The following SCML2 variants were observed in gnomAD, a reference collection of about 807,000 sequenced individuals.
SCML2 encodes the protein sex comb on midleg-like protein 2.
Under a neutral mutation model 48.4 loss-of-function variants are expected in SCML2, and 6 were observed. That is an observed-to-expected ratio of 0.12 (90% CI 0.07 to 0.24). The LOEUF (loss-of-function observed/expected upper bound fraction) is 0.24, where lower values mean the gene tolerates loss of function less well. Ranked by LOEUF, SCML2 falls within the 10% of genes least tolerant of loss-of-function variation. The probability of loss-of-function intolerance (pLI) is 1.00; values close to 1 mark genes in which losing one functional copy is unlikely to be tolerated. For missense variants in SCML2, 377 were observed against 528.2 expected (o/e 0.71, Z 2.81); for synonymous variants, 181 against 189.5 (o/e 0.95, Z 0.37).
intron 7 of SCML2, among the ~76,000 whole-genome samples, chrX:18,281,409 C>T (rs1448859255): frequency 9.0e-6 from 1 of 111,632 alleles, no homozygotes; most frequent in Non-Finnish European, 1.9e-5. Flanking sequence ...ACAAAGATCT[C>T]AAATTAAAAA....
intron 7 of SCML2, among the ~76,000 whole-genome samples, chrX:18,299,929 A>C (rs1468411202): frequency 9.1e-6 from 1 of 109,971 alleles, no homozygotes; most frequent in African/African-American, 3.3e-5. Flanking sequence ...TTGTAGAGAC[A>C]GAGTCTCACT....
chrX:18,295,683 C>T (rs1250648571), intron 7 of SCML2, among the ~76,000 whole-genome samples: 1 of 104,423 alleles, frequency 9.6e-6, no homozygotes, highest in Non-Finnish European at 2.0e-5. Flanking sequence ...CAGATGACAC[C>T]GGTGTCCATA....
chrX:18,246,433 G>A, intron 13 of SCML2, 144 bp downstream of exon 13: 2 of 543,573 alleles, frequency 3.7e-6, no homozygotes, highest in Non-Finnish European at 2.9e-6. Context: ...ATAATGGTCT[G>A]ACCTGACAGT....
intron 8 of SCML2, among the ~76,000 whole-genome samples, chrX:18,264,892 T>C (rs1927205920): frequency 9.0e-6 from 1 of 111,609 alleles, no homozygotes; most frequent in South Asian, 3.8e-4. Flanking sequence ...ATAACCTCTC[T>C]GGTCCTTTCC....
In SCML2 at chrX:18,260,227, C is replaced by T. The variant is rs756041899; in HGVS notation, c.1013G>A (p.Arg338His). The T allele has an allele frequency of 8.3e-7, 1 of 1,202,555 alleles. No individual in the cohort carries two copies. Among genetic ancestry groups the T allele is most frequent in the Non-Finnish European group, 1.1e-6 (1 of 888,720 alleles). The change falls in exon 9 of 15, where the codon CGT becomes CAT. Residue 338 changes from arginine to histidine, a missense_variant. Transcript: ENST00000251900. ...AGCGACATCTTTATATAACATGCCA[C>T]GGTCTCTGGTCAGCGATTTTAGAGA... Reference protein sequence around the residue: ...AASLKSLTRDRGMLYKDVASG... With the variant: ...AASLKSLTRDHGMLYKDVASG...
At chrX:18,325,051 G>A in intron 3 of SCML2, 74 bp from the exon 4 acceptor site, 3 of 623,781 alleles carry the variant, frequency 4.8e-6, no homozygotes, top group Non-Finnish European at 7.2e-6. Flanking sequence ...CAACTTTCAG[G>A]ATTAAAATGG....
In SCML2 at chrX:18,316,639, G is replaced by C. The variant is rs145654948; in HGVS notation, c.486+3693C>G. Among the ~76,000 whole-genome samples the C allele has an allele frequency of 4.6e-3, 513 of 112,078 alleles. 5 individuals are homozygous for C. The highest frequency in any genetic ancestry group is 0.016 in the African/African-American group (481 of 30,880). On this transcript the variant is annotated intron_variant, in intron 6 of 14. Transcript: ENST00000251900. ...GTTTATGGGCTAATGGTGGAGCATA[G>C]CTTAGAACAGGGGTCCCCAACCCCC... is the stretch of plus-strand genomic sequence containing the variant.
chrX:18,326,605 G>A (rs1160951479), intron 3 of SCML2, among the ~76,000 whole-genome samples: 3 of 107,348 alleles, frequency 2.8e-5, no homozygotes, highest in Non-Finnish European at 5.8e-5. Context: ...GCTTGAACTC[G>A]GGAGGTGGAA....
chrX:18,336,967 A>C (rs1033900197), intron 1 of SCML2, among the ~76,000 whole-genome samples: 1 of 111,375 alleles, frequency 9.0e-6, no homozygotes, highest in African/African-American at 3.3e-5. Flanking sequence ...ATAAAAAACA[A>C]GGGCAAACAG....
intron 7 of SCML2, among the ~76,000 whole-genome samples, chrX:18,281,604 C>A (rs1444774079): frequency 9.4e-6 from 1 of 106,403 alleles, no homozygotes; most frequent in African/African-American, 3.4e-5. Context: ...CCCAGCTACT[C>A]GGGAGGCTGA....
intron 7 of SCML2, among the ~76,000 whole-genome samples, chrX:18,285,180 G>A (rs1239891012): frequency 9.0e-6 from 1 of 110,648 alleles, no homozygotes; most frequent in Non-Finnish European, 1.9e-5. Flanking sequence ...ACTACCATTC[G>A]GCCCAGCAAT....
chrX:18,279,146 T>C (rs758585453), intron 7 of SCML2, among the ~76,000 whole-genome samples: 1 of 112,816 alleles, frequency 8.9e-6, no homozygotes, highest in South Asian at 3.6e-4. Context: ...TACCCCACTA[T>C]AGAGCATGCC....
chrX:18,242,097 C>T (rs1320785498), intron 14 of SCML2, among the ~76,000 whole-genome samples: 1 of 111,685 alleles, frequency 9.0e-6, no homozygotes, highest in Non-Finnish European at 1.9e-5. Context: ...TTGTGGTCAA[C>T]CCCTCCTACT....
intron 7 of SCML2, among the ~76,000 whole-genome samples, chrX:18,296,963 A>C (rs1928415175): frequency 8.9e-6 from 1 of 111,799 alleles, no homozygotes; most frequent in African/African-American, 3.2e-5. Flanking sequence ...AGAAAACTAC[A>C]GGTCAATTTC....
At chrX:18,279,018 C>T (rs1034036891) in intron 7 of SCML2, among the ~76,000 whole-genome samples, 2 of 112,430 alleles carry the variant, frequency 1.8e-5, no homozygotes, top group East Asian at 2.8e-4. Context: ...AACCCCTGCC[C>T]GACAGGACAC....
intron 1 of SCML2, among the ~76,000 whole-genome samples, chrX:18,336,913 A>G (rs1333351205): frequency 2.7e-5 from 3 of 111,770 alleles, no homozygotes; most frequent in East Asian, 2.8e-4. Flanking sequence ...TAAATGGTCA[A>G]CTAAAACCAC....
intron 7 of SCML2, among the ~76,000 whole-genome samples, chrX:18,296,516 C>G (rs1231823016): frequency 9.0e-6 from 1 of 110,742 alleles, no homozygotes; most frequent in Non-Finnish European, 1.9e-5. Flanking sequence ...AGGCCAAAGG[C>G]AGAGAAACCT....
At chrX:18,332,731 T>C (rs1929695183) in intron 2 of SCML2, among the ~76,000 whole-genome samples, 1 of 111,245 alleles carries the variant, frequency 9.0e-6, no homozygotes, top group Non-Finnish European at 1.9e-5. Flanking sequence ...TCCCACCACT[T>C]TGGGAGGCCA....
At chrX:18,292,412 G>C (rs1928260697) in intron 7 of SCML2, among the ~76,000 whole-genome samples, 1 of 110,868 alleles carries the variant, frequency 9.0e-6, no homozygotes, top group African/African-American at 3.3e-5. Context: ...TAACAAAATA[G>C]AGATTGGGTT....
Sources: allele counts gnomAD v4.1 joint callset (sites outside exome capture counted in the v4.1 genomes callset), GRCh38; gene constraint gnomAD v4.1.1; transcripts MANE v1.5; gene names NCBI Gene and HGNC (gene_info 2026-07-23, HGNC 2026-07-21).